ORC4: variants seen among roughly 807,000 people sequenced by gnomAD.
The protein encoded by ORC4 is origin recognition complex, subunit 4 homolog.
ORC4 carries 55 observed loss-of-function variants against 63.9 expected under a neutral mutation model. The ratio of observed to expected loss-of-function variants is 0.86; its 90% CI spans 0.69 to 1.08. The LOEUF is 1.08. ORC4 is among the 50% of genes least tolerant of loss of function. The pLI, the probability that ORC4 is intolerant of heterozygous loss-of-function variation, is 0.00. For missense variants in ORC4, 511 were observed against 504.4 expected (o/e 1.01, Z -0.13); for synonymous variants, 150 against 168.5 (o/e 0.89, Z 0.85).
intron 11 of ORC4, among the ~76,000 whole-genome samples, chr2:147,938,924 G>C (rs1006886850): frequency 2.6e-5 from 4 of 152,108 alleles, no homozygotes; most frequent in African/African-American, 9.7e-5. Context: ...GTCTTACCTG[G>C]ATTTCCAATG....
chr2:148,010,372 A>T (rs1238170281), intron 1 of ORC4, among the ~76,000 whole-genome samples: 1 of 151,982 alleles, frequency 6.6e-6, no homozygotes, highest in Non-Finnish European at 1.5e-5. Context: ...ACAGAAATAA[A>T]ATTGAGACAA....
At chr2:147,989,628 A>G (rs1234445193) in intron 1 of ORC4, among the ~76,000 whole-genome samples, 1 of 151,914 alleles carries the variant, frequency 6.6e-6, no homozygotes, top group African/African-American at 2.4e-5. Flanking sequence ...AACTGCTTGA[A>G]CCCAGGAGGC....
Position 147,932,237 on chromosome 2 carries a change from C to A in ORC4, c.*3273G>T, listed in dbSNP as rs2105238316. 6.6e-6 allele frequency: 1 copy of A among 151,690 alleles called. No homozygotes were observed. The highest frequency in any genetic ancestry group is 1.9e-4 in the East Asian group (1 of 5,144). 9.4% of individuals were successfully genotyped at this position (151,690 alleles called of 1,614,324 possible). A position where few individuals can be genotyped will look rare whatever the true frequency, so the allele number is the denominator to read the frequency against. ...CAAAGAGAATAAAATACCTAGGAAT[C>A]CAACTTACAAGGGATGTGAAGGACC... On this transcript the variant is annotated 3_prime_UTR_variant, in exon 14 of 14. Coordinates refer to ENST00000392857, the MANE Select transcript of ORC4 (RefSeq NM_181741.4).
chr2:147,998,263 T>G (rs1041397705), intron 1 of ORC4, among the ~76,000 whole-genome samples: 1 of 152,262 alleles, frequency 6.6e-6, no homozygotes. Context: ...TGACCTCACT[T>G]TGGTCATGCT....
intron 1 of ORC4, among the ~76,000 whole-genome samples, chr2:147,997,363 CAAAG>C (rs1280220760): frequency 6.6e-6 from 1 of 152,094 alleles, no homozygotes; most frequent in East Asian, 1.9e-4. Flanking sequence ...ATGTACAAAA[CAAAG>C]AATGAATTTA....
chr2:147,994,560 C>A (rs571684883), intron 1 of ORC4, among the ~76,000 whole-genome samples: 1 of 152,098 alleles, frequency 6.6e-6, no homozygotes, highest in Non-Finnish European at 1.5e-5. Context: ...TGGTCTTTTA[C>A]GAATAAGCAA....
intron 1 of ORC4, among the ~76,000 whole-genome samples, chr2:148,018,024 C>T (rs1489456167): frequency 1.3e-5 from 2 of 152,026 alleles, no homozygotes; most frequent in Non-Finnish European, 2.9e-5. Context: ...GAGTAATGCT[C>T]CAAGCACAGA....
chr2:147,992,568 T>C (rs1027857514), intron 1 of ORC4, among the ~76,000 whole-genome samples: 3 of 152,208 alleles, frequency 2.0e-5, no homozygotes, highest in African/African-American at 7.2e-5. Flanking sequence ...AACTGTACTT[T>C]CTTGCAATAT....
At chr2:147,971,984 T>G (rs571124094) in intron 4 of ORC4, among the ~76,000 whole-genome samples, 1 of 152,190 alleles carries the variant, frequency 6.6e-6, no homozygotes, top group South Asian at 2.1e-4. Context: ...TTCTCATCCA[T>G]TTTTTTAAAG....
At chr2:147,996,820 C>A (rs1340136034) in intron 1 of ORC4, among the ~76,000 whole-genome samples, 2 of 152,190 alleles carry the variant, frequency 1.3e-5, no homozygotes, top group African/African-American at 2.4e-5. Context: ...AGCAAAATGG[C>A]ACAGACACTT....
At position 147,975,965 on chromosome 2, in the gene ORC4, A is replaced by C. The variant is rs1558855814; in HGVS notation, c.-7T>G. ...TTGATTTACGACTGCTCATTTCAAC[A>C]AATTCAAATCCTTTAAAAAAATTGG... On this transcript the variant is annotated 5_prime_UTR_variant, in exon 2 of 14. Transcript: ENST00000392857. The C allele has an allele frequency of 6.6e-7, 1 of 1,525,978 alleles. No individual in the cohort carries two copies. The highest frequency in any genetic ancestry group is 1.8e-5 in the African/African-American group (1 of 54,776). 94.5% of individuals were successfully genotyped at this position (1,525,978 alleles called of 1,614,324 possible). A position where few individuals can be genotyped will look rare whatever the true frequency, so the allele number is the denominator to read the frequency against.
intron 1 of ORC4, among the ~76,000 whole-genome samples, chr2:147,993,131 T>C (rs1171161163): frequency 1.3e-5 from 2 of 152,172 alleles, no homozygotes; most frequent in Non-Finnish European, 2.9e-5. Context: ...AACCTAAGCA[T>C]ACCAATGGGC....
chr2:148,007,563 C>T (rs921417389), intron 1 of ORC4, among the ~76,000 whole-genome samples: 4 of 152,194 alleles, frequency 2.6e-5, no homozygotes, highest in South Asian at 2.1e-4. Context: ...AGTATGCCTA[C>T]AAAATCTGGA....
intron 1 of ORC4, among the ~76,000 whole-genome samples, chr2:147,984,319 T>C (rs1691063492): frequency 6.6e-6 from 1 of 152,090 alleles, no homozygotes; most frequent in African/African-American, 2.4e-5. Flanking sequence ...ACTTAATGAA[T>C]AGTAAATATA....
intron 4 of ORC4, among the ~76,000 whole-genome samples, chr2:147,971,225 CA>C (rs1023431030): frequency 2.0e-5 from 3 of 151,610 alleles, no homozygotes; most frequent in African/African-American, 4.8e-5. Flanking sequence ...CATCCCATCT[CA>C]AAAATAAATA....
chr2:147,954,575 T>A (rs747496888), intron 7 of ORC4, among the ~76,000 whole-genome samples: 1 of 152,186 alleles, frequency 6.6e-6, no homozygotes, highest in Non-Finnish European at 1.5e-5. Context: ...CTGTCACATA[T>A]GTGGTCTATC....
intron 9 of ORC4, among the ~76,000 whole-genome samples, chr2:147,944,164 G>A (rs1688528351): frequency 6.6e-6 from 1 of 152,128 alleles, no homozygotes; most frequent in African/African-American, 2.4e-5. Context: ...AGTACATCTG[G>A]TAGAGAATTA....
At chr2:147,994,176 A>G (rs971164212) in intron 1 of ORC4, among the ~76,000 whole-genome samples, 5 of 152,254 alleles carry the variant, frequency 3.3e-5, no homozygotes, top group African/African-American at 1.2e-4. Flanking sequence ...CAAGATCTCT[A>G]TGAGGATCAC....
intron 1 of ORC4, among the ~76,000 whole-genome samples, chr2:147,977,532 G>A (rs996275449): frequency 3.9e-5 from 6 of 152,142 alleles, no homozygotes; most frequent in South Asian, 2.1e-4. Context: ...TCAGGCAGGC[G>A]TCTGTGAAAC....
Sources: gnomAD v4.1 joint callset for allele counts (sites outside exome capture counted in the v4.1 genomes callset) on GRCh38, gnomAD v4.1.1 for gene constraint, MANE v1.5 for transcripts, NCBI Gene and HGNC (gene_info 2026-07-23, HGNC 2026-07-21) for gene names.